OCA2: variants seen among roughly 807,000 people sequenced by gnomAD.
OCA2 encodes P protein.
A neutral mutation model predicts 100.2 loss-of-function variants in OCA2; 77 were observed. The observed-to-expected ratio is 0.77, with a 90% CI of 0.64 to 0.93. OCA2 has a LOEUF of 0.93. OCA2 is among the 40% of genes least tolerant of loss of function. OCA2 has a pLI of 0.00. For synonymous variants in OCA2, 432 were observed against 439.2 expected (o/e 0.98, Z 0.21); for missense variants, 1,062 against 1,089.1 (o/e 0.98, Z 0.35).
chr15:27,738,506 C>A, the OCA2 span, among the ~76,000 whole-genome samples: 5 of 152,110 alleles, frequency 3.3e-5, no homozygotes, highest in Non-Finnish European at 5.9e-5. Flanking sequence ...GAGGCCGAGG[C>A]GGGCAGATCA....
chr15:27,879,477 GTAAAAGCA>G (rs1407395963), intron 19 of OCA2, among the ~76,000 whole-genome samples: 8 of 152,160 alleles, frequency 5.3e-5, no homozygotes, highest in Non-Finnish European at 7.4e-5. Flanking sequence ...CACCAACAGT[GTAAAAGCA>G]TTCCTATTTC....
chr15:27,966,911 C>T (rs993416131), intron 14 of OCA2, 89 bp from the exon 15 acceptor site: 15 of 1,428,212 alleles, frequency 1.1e-5, no homozygotes, highest in Non-Finnish European at 1.3e-5. Context: ...GGGTGGATCA[C>T]GAGGTCCGGA....
At chr15:27,973,069 C>T (rs1242424374) in intron 14 of OCA2, among the ~76,000 whole-genome samples, 7 of 151,906 alleles carry the variant, frequency 4.6e-5, no homozygotes, top group Non-Finnish European at 7.4e-5. Flanking sequence ...GGGGTTTCAC[C>T]GTGTTGGCCA....
chr15:27,827,991 T>C (rs570266048), intron 23 of OCA2, among the ~76,000 whole-genome samples: 44 of 152,320 alleles, frequency 2.9e-4, no homozygotes, highest in African/African-American at 1.0e-3. Context: ...TAATTATAAA[T>C]AGATTTTTCC....
intron 9 of OCA2, among the ~76,000 whole-genome samples, chr15:27,998,077 C>T (rs1259184798): frequency 6.8e-6 from 1 of 147,790 alleles, no homozygotes. Flanking sequence ...AAACGTTAGA[C>T]CTAAAACCAT....
chr15:27,855,377 TAC>T (rs1363752406), intron 21 of OCA2, among the ~76,000 whole-genome samples: 3 of 152,206 alleles, frequency 2.0e-5, no homozygotes, highest in African/African-American at 7.2e-5. Flanking sequence ...CCTCACACAC[TAC>T]AGTCTTCACA....
At chr15:28,050,363 C>A (rs905302509) in intron 2 of OCA2, among the ~76,000 whole-genome samples, 1 of 152,052 alleles carries the variant, frequency 6.6e-6, no homozygotes, top group African/African-American at 2.4e-5. Flanking sequence ...TCGAGACCAG[C>A]CTGGCCAACA....
At chr15:27,823,152 G>C (rs895388300) in intron 23 of OCA2, among the ~76,000 whole-genome samples, 1 of 152,172 alleles carries the variant, frequency 6.6e-6, no homozygotes. Flanking sequence ...GTCATAAATC[G>C]GAGAGCCTTA....
At chr15:28,004,779 G>A (rs1299088203) in intron 9 of OCA2, among the ~76,000 whole-genome samples, 4 of 149,430 alleles carry the variant, frequency 2.7e-5, no homozygotes, top group African/African-American at 5.1e-5. Flanking sequence ...ACACACCCTC[G>A]CTGTGACTCA....
intron 23 of OCA2, among the ~76,000 whole-genome samples, chr15:27,797,565 G>C (rs912255597): frequency 6.6e-6 from 1 of 150,940 alleles, no homozygotes; most frequent in Non-Finnish European, 1.5e-5. Context: ...TATTGCTGTT[G>C]TGGCAGGGGT....
rs1312073603 is a variant in OCA2, at chr15:27,835,021, G to A, written c.2432+9938C>T. On this transcript the variant is annotated intron_variant, in intron 23 of 23. Coordinates refer to ENST00000354638, the MANE Select transcript of OCA2 (RefSeq NM_000275.3). ...GGAACTTGGGCCTTCCGGACGTAAT[G>A]GGATGCAGAAAGCAAAGATCAGTCT... Among the ~76,000 whole-genome samples, 3 of 152,274 alleles carry A rather than the reference G, an allele frequency of 2.0e-5. No individual in the cohort carries two copies. In the South Asian group the frequency reaches 6.2e-4, roughly 32 times the overall value.
In OCA2 at chr15:27,913,815, AG is replaced by A. The variant is rs1173850904; in HGVS notation, c.2079+12311del. Among the ~76,000 whole-genome samples, 26 of 79,350 alleles carry A rather than the reference AG, an allele frequency of 3.3e-4. No individual in the cohort carries two copies. The East Asian group carries it at 0.062, about 188-fold the overall frequency. 52.1% of individuals were successfully genotyped at this position (79,350 alleles called of 152,430 possible). A position where few individuals can be genotyped will look rare whatever the true frequency, so the allele number is the denominator to read the frequency against. ...AGCAGAGACACAACAAAAAAAAAAAAGAGAAAGAAAGAAAGAAAGAAAGGAA... is the reference window on the plus strand; with the variant it reads ...AGCAGAGACACAACAAAAAAAAAAAAAGAAAGAAAGAAAGAAAGAAAGGAA... On this transcript the variant is annotated intron_variant, in intron 19 of 23. Coordinates refer to ENST00000354638, the MANE Select transcript of OCA2 (RefSeq NM_000275.3).
intron 2 of OCA2, among the ~76,000 whole-genome samples, chr15:28,060,662 T>C (rs2043846088): frequency 6.6e-6 from 1 of 152,234 alleles, no homozygotes; most frequent in Non-Finnish European, 1.5e-5. Flanking sequence ...AAACAATCCA[T>C]GGAGCATGTA....
chr15:27,966,602 G>C, intron 15 of OCA2, 88 bp downstream of exon 15: 1 of 1,477,750 alleles, frequency 6.8e-7, no homozygotes, highest in East Asian at 2.3e-5. Flanking sequence ...CCCATCAACA[G>C]ATACTTCCTA....
chr15:27,807,018 G>A (rs918745190), intron 23 of OCA2, among the ~76,000 whole-genome samples: 1 of 152,046 alleles, frequency 6.6e-6, no homozygotes, highest in Non-Finnish European at 1.5e-5. Flanking sequence ...TCAACTCCAC[G>A]AAAAACACGT....
chr15:27,876,447 T>C (rs1449776171), intron 19 of OCA2, among the ~76,000 whole-genome samples: 1 of 152,020 alleles, frequency 6.6e-6, no homozygotes, highest in Non-Finnish European at 1.5e-5. Context: ...AGGGTAATAC[T>C]AGACCTACAA....
At chr15:27,883,324 C>T (rs1051610979) in intron 19 of OCA2, among the ~76,000 whole-genome samples, 1 of 152,062 alleles carries the variant, frequency 6.6e-6, no homozygotes, top group Non-Finnish European at 1.5e-5. Context: ...TTTCAGAGTC[C>T]ATATGTAGTT....
chr15:27,946,724 G>T (rs1268370885), intron 18 of OCA2, among the ~76,000 whole-genome samples: 2 of 152,160 alleles, frequency 1.3e-5, no homozygotes, highest in South Asian at 4.1e-4. Flanking sequence ...CCATCTCTCA[G>T]TCCCATTCTC....
chr15:27,908,970 G>A (rs552931760), intron 19 of OCA2, among the ~76,000 whole-genome samples: 1 of 152,114 alleles, frequency 6.6e-6, no homozygotes, highest in Non-Finnish European at 1.5e-5. Context: ...GGACTAACCT[G>A]GCAAGTAGAC....
Sources: allele counts gnomAD v4.1 joint callset (sites outside exome capture counted in the v4.1 genomes callset), GRCh38; gene constraint gnomAD v4.1.1; transcripts MANE v1.5; gene names NCBI Gene and HGNC (gene_info 2026-07-23, HGNC 2026-07-21).